AP3S2: variants seen among roughly 807,000 people sequenced by gnomAD.
The protein encoded by AP3S2 is adaptor related protein complex 3 subunit sigma 2.
AP3S2 carries 22 observed loss-of-function variants against 23.4 expected under a neutral mutation model. The observed-to-expected ratio is 0.94, with a 90% CI of 0.67 to 1.34. The LOEUF is 1.34. AP3S2 is among the 40% of genes most tolerant of loss of function. The pLI, the probability that AP3S2 is intolerant of heterozygous loss-of-function variation, is 0.00. For missense variants in AP3S2, 241 were observed against 236.9 expected, an observed-to-expected ratio of 1.02 and a Z score of -0.11; for synonymous variants, 86 against 87.1, an observed-to-expected ratio of 0.99 and a Z score of 0.07.
intron 4 of AP3S2, among the ~76,000 whole-genome samples, chr15:89,852,176 C>G (rs566060517): frequency 9.9e-5 from 15 of 152,224 alleles, no homozygotes; most frequent in African/African-American, 3.6e-4. Flanking sequence ...GTTTCTTCAT[C>G]TGTAAAATGG....
intron 3 of AP3S2, among the ~76,000 whole-genome samples, chr15:89,887,942 A>T (rs1427050738): frequency 6.6e-6 from 1 of 152,258 alleles, no homozygotes. Context: ...AAGTGCTGGG[A>T]TTATAGGCAT....
chr15:89,872,655 G>A (rs188130118), intron 3 of AP3S2, among the ~76,000 whole-genome samples: 3 of 152,308 alleles, frequency 2.0e-5, no homozygotes, highest in Non-Finnish European at 4.4e-5. Context: ...CAGGCACACC[G>A]TTCCACTGTA....
At position 89,893,946 on chromosome 15, in the gene AP3S2, T is replaced by A; in HGVS notation, c.4A>T (p.Ile2Phe). 6.4e-7 allele frequency: 1 copy of A among 1,551,486 alleles called. No homozygotes were observed. Among genetic ancestry groups the A allele is most frequent in the Non-Finnish European group, 8.7e-7 (1 of 1,146,968 alleles). The change falls in exon 1 of 6, where the codon ATT (isoleucine) becomes TTT (phenylalanine). Residue 2 changes from isoleucine (I) to phenylalanine (F), a missense_variant. Transcript: ENST00000336418. Reference protein sequence around the residue: MIQAILVFNNHG... With the variant: MFQAILVFNNHG... The stretch of plus-strand genomic sequence containing the variant: ...TTGTTGAAAACCAGAATCGCCTGAA[T>A]CATCTTTGCCAGCCACGGTTCTCTC...
At chr15:89,857,166 G>C (rs543727036) in intron 4 of AP3S2, among the ~76,000 whole-genome samples, 1 of 152,298 alleles carries the variant, frequency 6.6e-6, no homozygotes, top group African/African-American at 2.4e-5. Context: ...CGGTGGAGGA[G>C]AGACAGGGTT....
intron 3 of AP3S2, among the ~76,000 whole-genome samples, chr15:89,881,664 T>C (rs1896572389): frequency 6.6e-6 from 1 of 152,106 alleles, no homozygotes. Context: ...AACAAAATTA[T>C]AAACCCACAC....
intron 4 of AP3S2, among the ~76,000 whole-genome samples, chr15:89,869,003 C>T (rs1474132059): frequency 6.7e-6 from 1 of 149,534 alleles, no homozygotes; most frequent in African/African-American, 2.5e-5. Context: ...AGGGGCGCCT[C>T]TGCCTGGCCG....
chr15:89,893,003 A>C (rs1896854598), intron 1 of AP3S2: 1 of 152,228 alleles, frequency 6.6e-6, no homozygotes, highest in Non-Finnish European at 1.5e-5. Context: ...TCTACTTAAT[A>C]AAATGTAATC....
At chr15:89,835,767 C>T (rs1165119416) in intron 5 of AP3S2, 124 bp from the exon 6 acceptor site, 15 of 1,418,836 alleles carry the variant, frequency 1.1e-5, no homozygotes, top group African/African-American at 1.4e-5. Flanking sequence ...GTGGCTCACG[C>T]CTGTAATCCC....
intron 4 of AP3S2, among the ~76,000 whole-genome samples, chr15:89,843,258 A>G (rs1182476581): frequency 6.6e-6 from 1 of 150,640 alleles, no homozygotes; most frequent in African/African-American, 2.4e-5. Context: ...TGCTGGGATT[A>G]CAAGCATGAG....
chr15:89,853,368 T>C (rs534222002), intron 4 of AP3S2, among the ~76,000 whole-genome samples: 9 of 152,384 alleles, frequency 5.9e-5, no homozygotes, highest in African/African-American at 2.2e-4. Context: ...TACTGTATTA[T>C]ATCAAATCTA....
chr15:89,853,037 T>C (rs892462216), intron 4 of AP3S2, among the ~76,000 whole-genome samples: 4 of 152,074 alleles, frequency 2.6e-5, no homozygotes, highest in Admixed American at 6.5e-5. Flanking sequence ...TTCATGAAAA[T>C]TCACTTAAAT....
rs1303284618 is a variant in AP3S2 at position 89,888,504 on chromosome 15, T to C, written c.273+17A>G. On this transcript the variant is annotated intron_variant, in intron 3 of 5. Transcript: ENST00000336418. ...AACTCTCTAAAGCTGCTGCCATCAT[T>C]AGCTGACTACACATACCTGGATGAG... 1 of 1,612,296 alleles carries C rather than the reference T, an allele frequency of 6.2e-7. No homozygotes were observed. Among genetic ancestry groups the C allele is most frequent in the South Asian group, 1.1e-5 (1 of 90,962 alleles).
intron 2 of AP3S2, 80 bp downstream of exon 2, chr15:89,888,969 T>C: frequency 1.9e-6 from 3 of 1,551,972 alleles, no homozygotes; most frequent in Non-Finnish European, 2.7e-6. Context: ...CACCTGACAC[T>C]TGAGTACTGT....
At chr15:89,846,363 T>A (rs1895488057) in intron 4 of AP3S2, among the ~76,000 whole-genome samples, 1 of 151,986 alleles carries the variant, frequency 6.6e-6, no homozygotes. Context: ...TCTCTTTATT[T>A]TTTTTTTTTC....
At position 89,835,733 on chromosome 15, in the gene AP3S2, A is replaced by G. The variant is rs919619774; in HGVS notation, c.454-90T>C. ...AAAAAAAAAAAAAAAGCAAAAACAA[A>G]AACAAACAAGCAGGATGGGTGTGGT... On this transcript the variant is annotated intron_variant, in intron 5 of 5. Coordinates refer to ENST00000336418, the MANE Select transcript of AP3S2 (RefSeq NM_005829.5). 5 of 1,483,534 alleles carry G rather than the reference A, an allele frequency of 3.4e-6. No individual in the cohort carries two copies. In the African/African-American group the frequency reaches 7.1e-5, roughly 21 times the overall value. 91.9% of individuals were successfully genotyped at this position (1,483,534 alleles called of 1,614,324 possible).
At chr15:89,873,865 T>C (rs1027776566) in intron 3 of AP3S2, among the ~76,000 whole-genome samples, 2 of 149,990 alleles carry the variant, frequency 1.3e-5, no homozygotes, top group African/African-American at 2.5e-5. Flanking sequence ...AAATGTCTTA[T>C]TTCTCTGTGG....
At chr15:89,837,494 A>G in intron 5 of AP3S2, 121 bp downstream of exon 5, 1 of 1,136,590 alleles carries the variant, frequency 8.8e-7, no homozygotes, top group Non-Finnish European at 1.3e-6. Flanking sequence ...CTCAAGGAAG[A>G]AAGAAGATGA....
chr15:89,835,701 TAAAAAAAAA>T (rs5814404), intron 5 of AP3S2, 58 bp from the exon 6 acceptor site: 77 of 1,040,322 alleles, frequency 7.4e-5, no homozygotes, highest in Non-Finnish European at 8.5e-5. Flanking sequence ...TGCTTAATGC[TAAAAAAAAA>T]AAAAAAAAAA....
chr15:89,853,089 A>G (rs1017178086), intron 4 of AP3S2, among the ~76,000 whole-genome samples: 1 of 152,160 alleles, frequency 6.6e-6, no homozygotes, highest in Non-Finnish European at 1.5e-5. Context: ...GAACTATCAT[A>G]AGGTTTTGAG....
Sources: allele counts gnomAD v4.1 joint callset (sites outside exome capture counted in the v4.1 genomes callset), GRCh38; gene constraint gnomAD v4.1.1; transcripts MANE v1.5; gene names NCBI Gene and HGNC (gene_info 2026-07-23, HGNC 2026-07-21).